The following TTLL5 variants were observed in gnomAD, a reference collection of about 807,000 sequenced individuals.
TTLL5 encodes tubulin polyglutamylase TTLL5.
A neutral mutation model predicts 168.4 loss-of-function variants in TTLL5; 132 were observed. The observed-to-expected ratio is 0.78, with a 90% CI of 0.68 to 0.91. The LOEUF (loss-of-function observed/expected upper bound fraction) is 0.91, where lower values mean the gene tolerates loss of function less well. TTLL5 is among the 40% of genes least tolerant of loss of function. The pLI is 0.00. For missense variants in TTLL5, 1,545 were observed against 1,581.5 expected (o/e 0.98, Z 0.39); for synonymous variants, 546 against 558.6 (o/e 0.98, Z 0.32).
At chr14:75,742,616 G>A (rs772250513) in intron 15 of TTLL5, among the ~76,000 whole-genome samples, 3 of 152,120 alleles carry the variant, frequency 2.0e-5, no homozygotes, top group African/African-American at 7.2e-5. Flanking sequence ...GGTTGGTCTC[G>A]AACTCCTGAC....
chr14:75,902,341 C>A, intron 31 of TTLL5, 117 bp downstream of exon 31: 1 of 1,078,960 alleles, frequency 9.3e-7, no homozygotes. Flanking sequence ...AACATCTAGC[C>A]TCTCAAAACA....
intron 28 of TTLL5, among the ~76,000 whole-genome samples, chr14:75,843,132 A>G (rs893845655): frequency 3.9e-5 from 6 of 152,174 alleles, no homozygotes; most frequent in Non-Finnish European, 7.4e-5. Context: ...AGGAGTTGAG[A>G]ACCTCCTTGT....
At chr14:75,890,218 A>C (rs184366911) in intron 30 of TTLL5, among the ~76,000 whole-genome samples, 1 of 152,336 alleles carries the variant, frequency 6.6e-6, no homozygotes, top group Non-Finnish European at 1.5e-5. Context: ...CATATTTGTC[A>C]TAACTGAAGT....
chr14:75,911,624 C>T (rs561250574), intron 31 of TTLL5, among the ~76,000 whole-genome samples: 9 of 151,692 alleles, frequency 5.9e-5, no homozygotes, highest in Non-Finnish European at 1.3e-4. Context: ...AATTTGATTC[C>T]CAGGGAAATT....
At chr14:75,707,909 G>A (rs1415047653) in intron 9 of TTLL5, among the ~76,000 whole-genome samples, 1 of 152,084 alleles carries the variant, frequency 6.6e-6, no homozygotes, top group African/African-American at 2.4e-5. Context: ...CAGAAATTAG[G>A]CTTATTTGTC....
chr14:75,831,087 G>A (rs1476073398), intron 28 of TTLL5, among the ~76,000 whole-genome samples: 19 of 152,174 alleles, frequency 1.2e-4, no homozygotes, highest in Admixed American at 1.2e-3. Context: ...ACGAGCTTAC[G>A]TGGCTCATGA....
rs755712371 is a variant in TTLL5, at chr14:75,699,197, C to T, written c.512C>T (p.Ser171Leu). ...CCAATATTTTGAGCAGATTCATATT[C>T]GAAGGACCGGGGACCTTGGATAGTA... ...AEYAEFCNSYSKDRGPWIVKP... is the reference protein window; with the variant it reads ...AEYAEFCNSYLKDRGPWIVKP... The change falls in exon 7 of 32, where the codon TCG becomes TTG. Residue 171 changes from serine (S) to leucine (L), a missense_variant. Ser to Leu is a moderately radical substitution (Grantham distance 145, BLOSUM62 -2). Transcript: ENST00000298832. The T allele has an allele frequency of 1.2e-5, 20 of 1,613,606 alleles. No individual in the cohort carries two copies. In the East Asian group the frequency reaches 2.9e-4, roughly 23 times the overall value.
intron 28 of TTLL5, 79 bp downstream of exon 28, chr14:75,820,240 G>A: frequency 7.0e-7 from 1 of 1,429,588 alleles, no homozygotes; most frequent in South Asian, 1.6e-5. Flanking sequence ...CCCACCTTGA[G>A]TTCTGTATGG....
At chr14:75,800,830 G>T (rs1004669869) in intron 27 of TTLL5, among the ~76,000 whole-genome samples, 1 of 152,176 alleles carries the variant, frequency 6.6e-6, no homozygotes, top group Non-Finnish European at 1.5e-5. Flanking sequence ...CCATCTTCAG[G>T]TCTCTCAGCC....
intron 31 of TTLL5, chr14:75,904,041 A>G (rs2033039824): frequency 8.8e-7 from 1 of 1,134,468 alleles, no homozygotes; most frequent in Non-Finnish European, 1.1e-6. Context: ...GGCCACTACT[A>G]CCTCATAACC....
At chr14:75,720,090 T>G (rs1887746828) in intron 11 of TTLL5, among the ~76,000 whole-genome samples, 1 of 152,244 alleles carries the variant, frequency 6.6e-6, no homozygotes, top group South Asian at 2.1e-4. Flanking sequence ...GTTGAACTGC[T>G]GACTAAAATA....
At chr14:75,775,884 G>A (rs1449404485) in intron 22 of TTLL5, among the ~76,000 whole-genome samples, 1 of 152,198 alleles carries the variant, frequency 6.6e-6, no homozygotes, top group African/African-American at 2.4e-5. Flanking sequence ...TATTCCTTTT[G>A]AGCACTGAGA....
chr14:75,790,968 T>G (rs1007015168), intron 26 of TTLL5, among the ~76,000 whole-genome samples: 3 of 147,514 alleles, frequency 2.0e-5, no homozygotes, highest in East Asian at 2.0e-4. Flanking sequence ...TACCCGGGCC[T>G]GGTGGCGGGT....
intron 10 of TTLL5, among the ~76,000 whole-genome samples, chr14:75,718,790 G>A (rs903013612): frequency 5.9e-5 from 9 of 152,102 alleles, no homozygotes; most frequent in African/African-American, 2.2e-4. Flanking sequence ...CTTTCATGCC[G>A]ATATTTTTGC....
chr14:75,668,326 CCTTA>C (rs1883454897), intron 2 of TTLL5, among the ~76,000 whole-genome samples: 1 of 152,144 alleles, frequency 6.6e-6, no homozygotes. Context: ...ATACCTCATC[CCTTA>C]CTTAACCAGC....
chr14:75,672,453 C>T (rs551671707), intron 3 of TTLL5, among the ~76,000 whole-genome samples: 1 of 151,914 alleles, frequency 6.6e-6, no homozygotes, highest in South Asian at 2.1e-4. Context: ...ACCATGTTGG[C>T]AGGCTGGTTT....
intron 26 of TTLL5, among the ~76,000 whole-genome samples, chr14:75,785,637 A>G (rs925764852): frequency 6.6e-6 from 1 of 152,226 alleles, no homozygotes; most frequent in Non-Finnish European, 1.5e-5. Context: ...TTGTTTCCCC[A>G]TGGGATTGTC....
At chr14:75,763,569 G>T (rs965961717) in intron 18 of TTLL5, among the ~76,000 whole-genome samples, 4 of 152,178 alleles carry the variant, frequency 2.6e-5, no homozygotes, top group Non-Finnish European at 5.9e-5. Context: ...CACACTTTGA[G>T]TTCTAGAGAG....
intron 19 of TTLL5, 77 bp downstream of exon 19, chr14:75,764,849 AT>A: frequency 6.5e-7 from 1 of 1,529,954 alleles, no homozygotes; most frequent in Non-Finnish European, 9.0e-7. Flanking sequence ...CTTACTCAGT[AT>A]TTCATGAGTC....
Sources: allele counts gnomAD v4.1 joint callset (sites outside exome capture counted in the v4.1 genomes callset), GRCh38; gene constraint gnomAD v4.1.1; transcripts MANE v1.5; gene names NCBI Gene and HGNC (gene_info 2026-07-23, HGNC 2026-07-21).